Variants in WDR72 observed in about 807,000 individuals in gnomAD.
The protein encoded by WDR72 is WD repeat-containing protein 72.
In WDR72, 120 loss-of-function variants were observed where a neutral mutation model predicts 124.2. The observed-to-expected ratio is 0.97, with a 90% CI of 0.83 to 1.12. The LOEUF (loss-of-function observed/expected upper bound fraction) is 1.12. Among genes scored for constraint, WDR72 ranks in the 50% most tolerant of loss-of-function variants. The pLI is 0.00. For synonymous variants in WDR72, 452 were observed against 441.7 expected, an observed-to-expected ratio of 1.02 and a Z score of -0.29; for missense variants, 1,387 against 1,278.8, an observed-to-expected ratio of 1.08 and a Z score of -1.29.
At chr15:53,585,074 C>A (rs2012129279) in intron 18 of WDR72, among the ~76,000 whole-genome samples, 2 of 152,074 alleles carry the variant, frequency 1.3e-5, no homozygotes, top group South Asian at 4.1e-4. Flanking sequence ...ACTTCTCTCA[C>A]CCCTATGAAT....
At chr15:53,541,606 G>A (rs1249133827) in intron 18 of WDR72, among the ~76,000 whole-genome samples, 8 of 151,948 alleles carry the variant, frequency 5.3e-5, no homozygotes, top group African/African-American at 9.7e-5. Context: ...CCAAAGGAAC[G>A]CAGTTCCTCA....
In WDR72 at chr15:53,715,298, G is replaced by A. The variant is rs140484726; in HGVS notation, c.409C>T (p.Leu137Phe). The A allele has an allele frequency of 1.2e-6, 2 of 1,614,114 alleles. No individual in the cohort carries two copies. Among genetic ancestry groups the A allele is most frequent in the East Asian group, 2.2e-5 (1 of 44,860 alleles). Residue 137 changes from leucine (L) to phenylalanine (F), a missense_variant, in exon 5 of 20, where the codon CTT (leucine) becomes TTT (phenylalanine). Coordinates refer to ENST00000360509, the MANE Select transcript of WDR72 (RefSeq NM_182758.4). ...GCCAAAGTTTTGGCATCAATTATAA[G>A]GACATCTTGATATTCTCCACAACAA... The part of the protein sequence containing the change: ...LLCCGEYQDV[L>F]IIDAKTLAVV...
chr15:53,606,180 T>A (rs77400281), intron 17 of WDR72, among the ~76,000 whole-genome samples: 3,572 of 152,254 alleles, frequency 0.023, 148 homozygotes, highest in African/African-American at 0.082. Flanking sequence ...TATTTGAAGG[T>A]CAAATGAACA....
chr15:53,604,679 A>G lies in WDR72; in HGVS notation c.2952+4834T>C, dbSNP rs149866414. ...ACATGGGCAAAGGAAATGAACAGAC[A>G]CTTTTCAAAGGAAGACATATATGTG... On this transcript the variant is annotated intron_variant, in intron 17 of 19. Transcript: ENST00000360509. 3.4e-3 allele frequency among the ~76,000 whole-genome samples: 515 copies of G among 152,352 alleles called. 4 individuals carry two copies. The highest frequency in any genetic ancestry group is 0.012 in the African/African-American group (497 of 41,578).
At chr15:53,758,598 G>A (rs1208384000) in intron 1 of WDR72, among the ~76,000 whole-genome samples, 1 of 152,034 alleles carries the variant, frequency 6.6e-6, no homozygotes, top group Non-Finnish European at 1.5e-5. Context: ...AGAAGTGGCC[G>A]CTTTCCTTTT....
chr15:53,660,108 T>C (rs897281066), intron 14 of WDR72, among the ~76,000 whole-genome samples: 6 of 152,018 alleles, frequency 3.9e-5, no homozygotes, highest in African/African-American at 1.4e-4. Context: ...GCTTATTTTA[T>C]TAAAAAGAAT....
chr15:53,646,091 ATTG>A (rs2015031469), intron 14 of WDR72, among the ~76,000 whole-genome samples: 1 of 152,134 alleles, frequency 6.6e-6, no homozygotes, highest in Non-Finnish European at 1.5e-5. Context: ...AAATGTGACT[ATTG>A]TTCTGTAAAT....
At chr15:53,671,359 C>T (rs1029059858) in intron 13 of WDR72, among the ~76,000 whole-genome samples, 1 of 152,146 alleles carries the variant, frequency 6.6e-6, no homozygotes, top group Non-Finnish European at 1.5e-5. Context: ...AAATAGATTC[C>T]CCTATCTTGT....
chr15:53,736,609 G>A (rs970535002), intron 1 of WDR72, among the ~76,000 whole-genome samples: 1 of 152,164 alleles, frequency 6.6e-6, no homozygotes, highest in African/African-American at 2.4e-5. Context: ...AGGATAGGAA[G>A]GCATGCACAC....
intron 14 of WDR72, among the ~76,000 whole-genome samples, chr15:53,658,175 G>A (rs1355837530): frequency 6.6e-6 from 1 of 152,114 alleles, no homozygotes; most frequent in Non-Finnish European, 1.5e-5. Flanking sequence ...TCCTGGGAAA[G>A]CAATAGTCAG....
At chr15:53,585,256 G>A (rs1341549689) in intron 18 of WDR72, among the ~76,000 whole-genome samples, 1 of 152,016 alleles carries the variant, frequency 6.6e-6, no homozygotes, top group African/African-American at 2.4e-5. Context: ...AAGTGAAGGG[G>A]AAGCAGGCAC....
At chr15:53,668,962 AAGGAGG>A (rs1276815558) in intron 13 of WDR72, among the ~76,000 whole-genome samples, 1,795 of 15,456 alleles carry the variant, frequency 0.12, 61 homozygotes, top group African/African-American at 0.2. Flanking sequence ...GGAGGAGGAG[AAGGAGG>A]AGGAGGAGGA....
intron 13 of WDR72, among the ~76,000 whole-genome samples, chr15:53,674,499 G>A (rs1484711038): frequency 6.6e-6 from 1 of 152,146 alleles, no homozygotes; most frequent in East Asian, 1.9e-4. Context: ...ACTGATGGGG[G>A]TTCCCACCAC....
chr15:53,641,276 G>C (rs2014839066), intron 14 of WDR72, among the ~76,000 whole-genome samples: 1 of 151,880 alleles, frequency 6.6e-6, no homozygotes, highest in Admixed American at 6.6e-5. Flanking sequence ...GCTCATTCCT[G>C]GACCATCTTT....
intron 18 of WDR72, among the ~76,000 whole-genome samples, chr15:53,579,548 T>G (rs1383373671): frequency 6.6e-6 from 1 of 151,992 alleles, no homozygotes; most frequent in African/African-American, 2.4e-5. Context: ...GGCGAAATAC[T>G]AAATAAAGAC....
chr15:53,701,536 G>GTCTCTCTCTCTCTCTCTCTCTC (rs370281315), intron 12 of WDR72, among the ~76,000 whole-genome samples: 8 of 101,536 alleles, frequency 7.9e-5, no homozygotes, highest in African/African-American at 2.9e-4. Context: ...GTGAGACCCT[G>GTCTCTCTCTCTCTCTCTCTCTC]TCTCTCTCTC....
At chr15:53,745,501 C>T (rs1314993400) in intron 1 of WDR72, among the ~76,000 whole-genome samples, 2 of 151,992 alleles carry the variant, frequency 1.3e-5, no homozygotes, top group African/African-American at 2.4e-5. Context: ...ATCAATGACT[C>T]CAAGCCAAAT....
intron 18 of WDR72, among the ~76,000 whole-genome samples, chr15:53,540,369 C>T (rs7162024): frequency 0.19 from 29,251 of 152,020 alleles, 2,915 homozygotes; most frequent in Middle Eastern, 0.24. Flanking sequence ...AGTGACCCCT[C>T]CAACATTCCA....
At chr15:53,650,519 T>C (rs1450653617) in intron 14 of WDR72, among the ~76,000 whole-genome samples, 1 of 152,192 alleles carries the variant, frequency 6.6e-6, no homozygotes, top group Non-Finnish European at 1.5e-5. Context: ...CCTTCCACTG[T>C]GTCTCACTTT....
Sources: allele counts gnomAD v4.1 joint callset (sites outside exome capture counted in the v4.1 genomes callset), GRCh38; gene constraint gnomAD v4.1.1; transcripts MANE v1.5; gene names NCBI Gene and HGNC (gene_info 2026-07-23, HGNC 2026-07-21).